The following GALNT2 variants were observed in gnomAD, a reference collection of about 807,000 sequenced individuals.
GALNT2 encodes the protein UDP-GalNAc:polypeptide N-acetylgalactosaminyltransferase 2.
GALNT2 carries 31 observed loss-of-function variants against 81.4 expected under a neutral mutation model. The ratio of observed to expected loss-of-function variants is 0.38; its 90% CI spans 0.29 to 0.51. GALNT2 has a LOEUF of 0.51. GALNT2 is among the 20% of genes least tolerant of loss of function. The pLI is 0.87. For missense variants in GALNT2, 629 were observed against 765.7 expected (o/e 0.82, Z 2.11); for synonymous variants, 303 against 287.4 (o/e 1.05, Z -0.55).
chr1:230,190,273 C>G (rs1429480381), intron 2 of GALNT2, among the ~76,000 whole-genome samples: 1 of 152,236 alleles, frequency 6.6e-6, no homozygotes, highest in African/African-American at 2.4e-5. Context: ...CTGCGTGTTC[C>G]TCCATACTTG....
rs1659345304 is a variant in GALNT2 at position 230,070,665 on chromosome 1, G to C, written c.126+3259G>C. 6.6e-6 allele frequency among the ~76,000 whole-genome samples: 1 copy of C among 152,176 alleles called. No homozygotes were observed. The highest frequency in any genetic ancestry group is 1.5e-5 in the Non-Finnish European group (1 of 68,028). On this transcript the variant is annotated intron_variant, in intron 1 of 15. Coordinates refer to ENST00000366672, the MANE Select transcript of GALNT2 (RefSeq NM_004481.5). This position sits in a 1 kb window ranked among gnomAD's most constrained non-coding sequence, Gnocchi z 4.7. ...GCCCTTGCCCGAGAGTCCAAGGGTG[G>C]GGGACTTTGGGTGGGATCTTCTAGG... is the stretch of plus-strand genomic sequence containing the variant.
intron 1 of GALNT2, among the ~76,000 whole-genome samples, chr1:230,082,541 C>G (rs890090638): frequency 1.3e-5 from 2 of 152,256 alleles, no homozygotes; most frequent in African/African-American, 4.8e-5. Flanking sequence ...CTCCTTATCC[C>G]TACTTCCTCA....
At chr1:230,134,577 C>T (rs1203392313) in intron 1 of GALNT2, among the ~76,000 whole-genome samples, 1 of 152,170 alleles carries the variant, frequency 6.6e-6, no homozygotes, top group Non-Finnish European at 1.5e-5. Context: ...CTGGGTTGGG[C>T]CCAGGAGGAG....
chr1:230,061,192 ATGTGTGTG>A (rs58105454), intron 1 of GALNT2, among the ~76,000 whole-genome samples: 169 of 148,588 alleles, frequency 1.1e-3, no homozygotes, highest in Admixed American at 3.8e-3. Context: ...ATGAGCATAG[ATGTGTGTG>A]TGTGTGTGTG....
chr1:230,217,590 G>A (rs559102608), intron 3 of GALNT2, among the ~76,000 whole-genome samples: 1 of 152,326 alleles, frequency 6.6e-6, no homozygotes, highest in Non-Finnish European at 1.5e-5. Flanking sequence ...CTGAGACTGG[G>A]TAACTTACAA....
chr1:230,223,675 T>C (rs1664621530), intron 3 of GALNT2, among the ~76,000 whole-genome samples: 2 of 152,186 alleles, frequency 1.3e-5, no homozygotes, highest in Non-Finnish European at 2.9e-5. Context: ...TTCGCCATAT[T>C]GGCCAGGCTG....
chr1:230,067,524 G>A lies in GALNT2; in HGVS notation c.126+118G>A, dbSNP rs866468155. On this transcript the variant is annotated intron_variant, in intron 1 of 15. Transcript: ENST00000366672. ...CTCCGCCCGGACCTCCGCTCGCGTC[G>A]CCCGCCCTCGTCCCGGGCCTCCGCG... The A allele has an allele frequency of 1.3e-4, 44 of 326,220 alleles. No homozygotes were observed. In the Middle Eastern group the frequency reaches 4.7e-3, roughly 35 times the overall value. 20.2% of individuals were successfully genotyped at this position (326,220 alleles called of 1,614,324 possible).
At chr1:230,195,526 G>T (rs1255764695) in intron 2 of GALNT2, among the ~76,000 whole-genome samples, 3 of 152,142 alleles carry the variant, frequency 2.0e-5, no homozygotes, top group African/African-American at 7.2e-5. Context: ...TTGAGAGGCA[G>T]CTCAGCTGGC....
In GALNT2 at chr1:230,257,983, C is replaced by T. The variant is rs1665765740; in HGVS notation, c.1136+2639C>T. ...AGGCTGGAGTGCAAAGGTGCGATCT[C>T]GGCTCACTGCAACCTCCACTTCCCA... is the stretch of plus-strand genomic sequence containing the variant. On this transcript the variant is annotated intron_variant, in intron 11 of 15. Coordinates refer to ENST00000366672, the MANE Select transcript of GALNT2 (RefSeq NM_004481.5). The surrounding 1 kb of genome is among the most constrained non-coding windows in gnomAD (Gnocchi z 4.6). Among the ~76,000 whole-genome samples the T allele has an allele frequency of 6.6e-6, 1 of 152,162 alleles. No individual in the cohort carries two copies.
chr1:230,172,685 A>G (rs1298490279), intron 1 of GALNT2, among the ~76,000 whole-genome samples: 4 of 152,012 alleles, frequency 2.6e-5, no homozygotes, highest in Non-Finnish European at 4.4e-5. Context: ...TCCCCTGACC[A>G]CTTGCCTTTG....
intron 1 of GALNT2, among the ~76,000 whole-genome samples, chr1:230,131,574 A>G (rs558312471): frequency 2.0e-5 from 3 of 152,120 alleles, no homozygotes; most frequent in Admixed American, 6.5e-5. Flanking sequence ...TAGCCACCCA[A>G]TTCTCCTTGC....
intron 2 of GALNT2, among the ~76,000 whole-genome samples, chr1:230,192,374 T>C (rs1212577491): frequency 6.6e-6 from 1 of 152,224 alleles, no homozygotes; most frequent in African/African-American, 2.4e-5. Context: ...AGGTCTTGTA[T>C]GAAGTAGCAG....
chr1:230,136,685 A>G (rs1478979872), intron 1 of GALNT2, among the ~76,000 whole-genome samples: 3 of 152,198 alleles, frequency 2.0e-5, no homozygotes, highest in Non-Finnish European at 2.9e-5. Context: ...AACGGGGGCA[A>G]CGTTCCGCTT....
At chr1:230,080,406 A>T (rs1196504363) in intron 1 of GALNT2, among the ~76,000 whole-genome samples, 1 of 152,220 alleles carries the variant, frequency 6.6e-6, no homozygotes, top group African/African-American at 2.4e-5. Flanking sequence ...GGCCCCGTGC[A>T]TGAAGCAGTG....
Position 230,210,813 on chromosome 1 carries a change from C to G in GALNT2, c.374+7523C>G, listed in dbSNP as rs146102167. ...GAAGGCCTGGGTTGTGCTGTTTACTCTCACTGGAATGTCAGTATTGATATC... is the reference window on the plus strand; with the variant it reads ...GAAGGCCTGGGTTGTGCTGTTTACTGTCACTGGAATGTCAGTATTGATATC... On this transcript the variant is annotated intron_variant, in intron 3 of 15. Coordinates refer to ENST00000366672, the MANE Select transcript of GALNT2 (RefSeq NM_004481.5). 1.6e-3 allele frequency among the ~76,000 whole-genome samples: 249 copies of G among 152,348 alleles called. 1 individual carries two copies. The highest frequency in any genetic ancestry group is 5.8e-3 in the African/African-American group (242 of 41,574).
chr1:230,123,270 A>G (rs907207139), intron 1 of GALNT2, among the ~76,000 whole-genome samples: 1 of 152,154 alleles, frequency 6.6e-6, no homozygotes, highest in Non-Finnish European at 1.5e-5. Context: ...CTTGGCTCCA[A>G]GTGGTTGTTA....
rs530745181 is a variant in GALNT2, at chr1:230,275,277, G to A, written c.1560+713G>A. On this transcript the variant is annotated intron_variant, in intron 15 of 15. Transcript: ENST00000366672. This position sits in a 1 kb window ranked among gnomAD's most constrained non-coding sequence, Gnocchi z 5.5. ...ACATATATACACACCACATGTATAC[G>A]TATATATAGATGCCACATTTATACA... Among the ~76,000 whole-genome samples the A allele has an allele frequency of 4.0e-4, 60 of 148,156 alleles. No individual in the cohort carries two copies. Among genetic ancestry groups the A allele is most frequent in the South Asian group, 3.2e-3 (15 of 4,662 alleles).
chr1:230,112,865 C>T (rs1660745493), intron 1 of GALNT2, among the ~76,000 whole-genome samples: 1 of 152,142 alleles, frequency 6.6e-6, no homozygotes, highest in Non-Finnish European at 1.5e-5. Context: ...AAATCTTATA[C>T]CAAGCAAGCA....
At chr1:230,217,315 G>A (rs1394416153) in intron 3 of GALNT2, among the ~76,000 whole-genome samples, 2 of 152,184 alleles carry the variant, frequency 1.3e-5, no homozygotes, top group Non-Finnish European at 1.5e-5. Context: ...GGGAAGGGAC[G>A]AGGGAGTGTG....
Sources: allele counts gnomAD v4.1 joint callset (sites outside exome capture counted in the v4.1 genomes callset), GRCh38; gene constraint gnomAD v4.1.1; non-coding constraint Gnocchi (gnomAD v3.1); transcripts MANE v1.5; gene names NCBI Gene and HGNC (gene_info 2026-07-23, HGNC 2026-07-21).